The following COG5 variants were observed in gnomAD, a reference collection of about 807,000 sequenced individuals.
COG5 encodes conserved oligomeric Golgi complex subunit 5.
A neutral mutation model predicts 110.4 loss-of-function variants in COG5; 86 were observed. The observed-to-expected ratio is 0.78, with a 90% CI of 0.65 to 0.93. The LOEUF is 0.93. Ranked by LOEUF, COG5 falls within the 40% of genes least tolerant of loss-of-function variation. COG5 has a pLI of 0.00. For missense variants in COG5, 1,077 were observed against 987.0 expected, an observed-to-expected ratio of 1.09 and a Z score of -1.22; for synonymous variants, 360 against 334.6, an observed-to-expected ratio of 1.08 and a Z score of -0.83.
chr7:107,201,462 T>C lies in COG5; in HGVS notation c.*2054A>G, dbSNP rs547734050. On this transcript the variant is annotated 3_prime_UTR_variant, in exon 22 of 22. Coordinates refer to ENST00000297135, the MANE Select transcript of COG5 (RefSeq NM_006348.5). ...GATGCTTATGTTCTTAAGTCTATATTTGCATATACATTGACTCTTGATGGA... is the reference window on the plus strand; with the variant it reads ...GATGCTTATGTTCTTAAGTCTATATCTGCATATACATTGACTCTTGATGGA... 2 of 1,440,542 alleles carry C rather than the reference T, an allele frequency of 1.4e-6. No homozygotes were observed. The highest frequency in any genetic ancestry group is 1.4e-5 in the African/African-American group (1 of 71,620). The allele number at this position is 1,440,542 out of a possible 1,614,324, so 89.2% of individuals were successfully genotyped here. A position where few individuals can be genotyped will look rare whatever the true frequency, so the allele number is the denominator to read the frequency against.
intron 6 of COG5, among the ~76,000 whole-genome samples, chr7:107,413,920 C>G (rs1430293076): frequency 1.3e-5 from 2 of 152,178 alleles, no homozygotes; most frequent in Admixed American, 6.5e-5. Flanking sequence ...TCTAAGTAAT[C>G]TGAACAAATT....
chr7:107,288,903 C>CAGAGAG (rs1186557262), intron 12 of COG5, among the ~76,000 whole-genome samples: 2 of 81,330 alleles, frequency 2.5e-5, no homozygotes, highest in East Asian at 7.1e-4. Context: ...TGTTTTCTAA[C>CAGAGAG]AGAGATATAT....
rs576379558 is a variant in COG5 at position 107,376,462 on chromosome 7, T to C, written c.670-3702A>G. 3.8e-4 allele frequency among the ~76,000 whole-genome samples: 58 copies of C among 152,114 alleles called. 1 individual carries two copies. The South Asian group carries it at 0.011, about 30-fold the overall frequency. Reference sequence around the variant, plus strand: ...AGGTCTTTAATTTCTCTTAATGTTTTATAGATAGTTTTCTGTGAAAAAGTC... The same window carrying C: ...AGGTCTTTAATTTCTCTTAATGTTTCATAGATAGTTTTCTGTGAAAAAGTC... On this transcript the variant is annotated intron_variant, in intron 7 of 21. Transcript: ENST00000297135.
intron 14 of COG5, among the ~76,000 whole-genome samples, chr7:107,263,785 A>G (rs2116665616): frequency 6.6e-6 from 1 of 152,342 alleles, no homozygotes; most frequent in South Asian, 2.1e-4. Context: ...GAAACAACTG[A>G]TGAGACTAGA....
At chr7:107,253,968 T>TTCA (rs1802701764) in intron 16 of COG5, among the ~76,000 whole-genome samples, 1 of 152,166 alleles carries the variant, frequency 6.6e-6, no homozygotes, top group African/African-American at 2.4e-5. Flanking sequence ...TGCTCTATTT[T>TTCA]TCATCATAGC....
chr7:107,527,212 T>C (rs1403071044), intron 6 of COG5, 25 bp downstream of exon 6: 1 of 1,492,688 alleles, frequency 6.7e-7, no homozygotes, highest in Admixed American at 2.2e-5. Context: ...ACTAACTTTT[T>C]ATTTAAAAAA....
chr7:107,493,440 T>A (rs890795651), intron 6 of COG5, among the ~76,000 whole-genome samples: 1 of 152,172 alleles, frequency 6.6e-6, no homozygotes, highest in Non-Finnish European at 1.5e-5. Context: ...TCAATTAGAA[T>A]AGCTATTATC....
rs371081089 is a variant in COG5, at chr7:107,563,873, G to C, written c.24C>G (p.Val8=). ...CTCGAGCTCCGAGGCCAGCTACAGC[G>C]ACGCTGCCGCCGCCACCTTCCATGT... MEGGGGS[V]AVAGLGARGS... The change falls in exon 1 of 22, where the codon GTC becomes GTG. Residue 8 remains valine, a synonymous_variant. Transcript: ENST00000297135. 1.2e-6 allele frequency: 2 copies of C among 1,613,388 alleles called. No homozygotes were observed. Among genetic ancestry groups the C allele is most frequent in the African/African-American group, 2.7e-5 (2 of 74,924 alleles).
chr7:107,498,074 T>C (rs1384805150), intron 6 of COG5, among the ~76,000 whole-genome samples: 1 of 152,182 alleles, frequency 6.6e-6, no homozygotes, highest in South Asian at 2.1e-4. Context: ...AAACTAGATA[T>C]ACAAATGCAA....
chr7:107,316,642 T>C (rs1808775414), intron 11 of COG5, among the ~76,000 whole-genome samples: 1 of 125,362 alleles, frequency 8.0e-6, no homozygotes, highest in South Asian at 2.5e-4. Context: ...TGAAACTCAG[T>C]CTCTACTAAA....
At chr7:107,277,746 C>T (rs1804814321) in intron 14 of COG5, among the ~76,000 whole-genome samples, 1 of 152,088 alleles carries the variant, frequency 6.6e-6, no homozygotes, top group Admixed American at 6.5e-5. Context: ...CAACCTCACT[C>T]TTAAAAATAA....
At chr7:107,370,401 T>C (rs1371193789) in intron 8 of COG5, among the ~76,000 whole-genome samples, 1 of 152,212 alleles carries the variant, frequency 6.6e-6, no homozygotes, top group Non-Finnish European at 1.5e-5. Flanking sequence ...TTAATGTGTA[T>C]TTCCAACAAA....
intron 7 of COG5, among the ~76,000 whole-genome samples, chr7:107,388,513 C>G (rs1461856106): frequency 1.3e-5 from 2 of 152,144 alleles, no homozygotes; most frequent in Admixed American, 1.3e-4. Flanking sequence ...TGTGCCCACT[C>G]CACCCTTAAA....
At chr7:107,382,380 T>C (rs2129053402) in intron 7 of COG5, among the ~76,000 whole-genome samples, 1 of 152,330 alleles carries the variant, frequency 6.6e-6, no homozygotes, top group African/African-American at 2.4e-5. Context: ...TAATTATTCT[T>C]GCTGCACTTT....
chr7:107,412,767 T>A lies in COG5; in HGVS notation c.539-135A>T, dbSNP rs1792405446. ...CAGGGTTGCCATTCAAAATCCGTAT[T>A]TTAAAAAATACAGTTTCCCAAATAT... On this transcript the variant is annotated intron_variant, in intron 6 of 21. Transcript: ENST00000297135. 5 of 622,114 alleles carry A rather than the reference T, an allele frequency of 8.0e-6. No homozygotes were observed. In the South Asian group the frequency reaches 1.0e-4, roughly 13 times the overall value. The allele number at this position is 622,114 out of a possible 1,614,324, so 38.5% of individuals were successfully genotyped here.
chr7:107,403,766 A>C (rs1791611638), intron 7 of COG5, among the ~76,000 whole-genome samples: 1 of 152,114 alleles, frequency 6.6e-6, no homozygotes, highest in South Asian at 2.1e-4. Flanking sequence ...TACCTCCCAA[A>C]GGCCGACCTC....
intron 14 of COG5, among the ~76,000 whole-genome samples, chr7:107,264,312 A>G (rs148127686): frequency 1.6e-3 from 240 of 152,266 alleles, no homozygotes; most frequent in African/African-American, 5.5e-3. Flanking sequence ...ATGATCCTCT[A>G]GTCACGAGAT....
chr7:107,272,571 A>G (rs749786973), intron 14 of COG5, among the ~76,000 whole-genome samples: 4 of 152,194 alleles, frequency 2.6e-5, no homozygotes, highest in Non-Finnish European at 5.9e-5. Flanking sequence ...AATTTCAAAA[A>G]TATTTTGAGA....
rs1798339597 is a variant in COG5, at chr7:107,201,843, TTG to T, written c.*1671_*1672del. The T allele has an allele frequency of 1.3e-5, 2 of 157,252 alleles. No homozygotes were observed. The highest frequency in any genetic ancestry group is 2.8e-5 in the Non-Finnish European group (2 of 71,232). 9.7% of individuals were successfully genotyped at this position (157,252 alleles called of 1,614,324 possible). On this transcript the variant is annotated 3_prime_UTR_variant, in exon 22 of 22. Transcript: ENST00000297135. Reference sequence around the variant, plus strand: ...GCTCCTTACTGCTTATTAATCTGTATTGTACACATGATGAAATGAAGCAGAAG... The same window carrying T: ...GCTCCTTACTGCTTATTAATCTGTATTACACATGATGAAATGAAGCAGAAG...
Sources: gnomAD v4.1 joint callset for allele counts (sites outside exome capture counted in the v4.1 genomes callset) on GRCh38, gnomAD v4.1.1 for gene constraint, MANE v1.5 for transcripts, NCBI Gene and HGNC (gene_info 2026-07-23, HGNC 2026-07-21) for gene names.